Variants in ACOXL observed in about 807,000 individuals in gnomAD.
ACOXL encodes the protein acyl-coenzyme A oxidase-like protein.
Under a neutral mutation model 71.9 loss-of-function variants are expected in ACOXL, and 70 were observed. That is an observed-to-expected ratio of 0.97 (90% CI 0.80 to 1.19). The LOEUF (loss-of-function observed/expected upper bound fraction) is 1.19. ACOXL is among the 50% of genes most tolerant of loss of function. ACOXL has a pLI of 0.00. For missense variants in ACOXL, 703 were observed against 736.3 expected (o/e 0.95, Z 0.52); for synonymous variants, 253 against 281.6 (o/e 0.90, Z 1.02).
At chr2:110,988,407 T>C (rs1353334148) in intron 13 of ACOXL, among the ~76,000 whole-genome samples, 1 of 152,044 alleles carries the variant, frequency 6.6e-6, no homozygotes, top group Non-Finnish European at 1.5e-5. Context: ...GCCACTGCAC[T>C]CTAGCCTGGG....
chr2:110,929,618 G>A (rs569996314), intron 11 of ACOXL, among the ~76,000 whole-genome samples: 121 of 152,328 alleles, frequency 7.9e-4, no homozygotes, highest in African/African-American at 2.6e-3. Context: ...AATGTCTACA[G>A]AGCATGTCAG....
intron 10 of ACOXL, among the ~76,000 whole-genome samples, chr2:110,843,673 C>G (rs570350347): frequency 3.9e-5 from 6 of 152,342 alleles, no homozygotes; most frequent in African/African-American, 1.4e-4. Context: ...GAGCTTGCCT[C>G]TTTAGGCTCC....
chr2:111,072,528 G>T (rs139880970), intron 16 of ACOXL, among the ~76,000 whole-genome samples: 2 of 152,300 alleles, frequency 1.3e-5, no homozygotes, highest in African/African-American at 4.8e-5. Context: ...TTTGACAATT[G>T]TGAGTAGAGC....
intron 8 of ACOXL, 143 bp downstream of exon 8, chr2:110,801,867 G>A (rs1488409519): frequency 3.1e-5 from 20 of 647,526 alleles, no homozygotes; most frequent in Non-Finnish European, 5.1e-5. Flanking sequence ...ACAACTAATT[G>A]GAAAAGATAC....
At chr2:110,845,905 ATC>A (rs1185050043) in intron 10 of ACOXL, among the ~76,000 whole-genome samples, 7 of 152,338 alleles carry the variant, frequency 4.6e-5, no homozygotes, top group Middle Eastern at 3.4e-3. Flanking sequence ...ATGTACAAAT[ATC>A]TCTTTGACAC....
chr2:110,884,056 A>T (rs1359016095), intron 10 of ACOXL, among the ~76,000 whole-genome samples: 3 of 152,246 alleles, frequency 2.0e-5, no homozygotes, highest in African/African-American at 7.2e-5. Flanking sequence ...AAGGTTTTTC[A>T]GCTGGGCCTG....
chr2:110,898,266 C>T (rs770663813), intron 10 of ACOXL, among the ~76,000 whole-genome samples: 100 of 151,818 alleles, frequency 6.6e-4, no homozygotes, highest in Admixed American at 8.5e-4. Flanking sequence ...ATACTGATCC[C>T]GGAACCAAAT....
At chr2:111,038,139 C>G (rs1002326037) in intron 15 of ACOXL, among the ~76,000 whole-genome samples, 3 of 152,188 alleles carry the variant, frequency 2.0e-5, no homozygotes, top group Non-Finnish European at 4.4e-5. Context: ...TCTAATCCCC[C>G]ACTAGGCAGT....
At position 110,923,755 on chromosome 2, in the gene ACOXL, G is replaced by A. The variant is rs184692260; in HGVS notation, c.906-9734G>A. On this transcript the variant is annotated intron_variant, in intron 11 of 17. Transcript: ENST00000439055. ...TCGAGACCAGCCTGGCCAACATGGT[G>A]AAACCCCATCCCTACTAAACATACA... 2.8e-3 allele frequency among the ~76,000 whole-genome samples: 419 copies of A among 152,184 alleles called. 4 individuals carry two copies. Among genetic ancestry groups the A allele is most frequent in the African/African-American group, 8.9e-3 (371 of 41,512 alleles).
chr2:111,025,797 C>G (rs1226714259), intron 14 of ACOXL, among the ~76,000 whole-genome samples: 3 of 152,140 alleles, frequency 2.0e-5, no homozygotes, highest in African/African-American at 7.2e-5. Flanking sequence ...TGAAAACATT[C>G]AAAATTTGTG....
At chr2:110,868,861 G>A (rs1694934504) in intron 10 of ACOXL, among the ~76,000 whole-genome samples, 1 of 152,194 alleles carries the variant, frequency 6.6e-6, no homozygotes, top group Non-Finnish European at 1.5e-5. Flanking sequence ...AATGTGTTGG[G>A]ATTGCAGGCG....
At chr2:110,833,699 G>A (rs777313899) in intron 9 of ACOXL, among the ~76,000 whole-genome samples, 8 of 152,178 alleles carry the variant, frequency 5.3e-5, no homozygotes, top group Non-Finnish European at 1.0e-4. Flanking sequence ...CCCTGCAACA[G>A]ATCTCCTGCA....
chr2:111,021,583 G>C (rs927667607), intron 14 of ACOXL, among the ~76,000 whole-genome samples: 22 of 152,262 alleles, frequency 1.4e-4, no homozygotes, highest in African/African-American at 5.3e-4. Context: ...TGCCACACCT[G>C]CCCTTCAGTA....
At chr2:110,925,375 G>C (rs1462991623) in intron 11 of ACOXL, among the ~76,000 whole-genome samples, 4 of 152,218 alleles carry the variant, frequency 2.6e-5, no homozygotes, top group African/African-American at 7.2e-5. Context: ...ATGTTGTTGA[G>C]TGTAGCCACT....
intron 13 of ACOXL, among the ~76,000 whole-genome samples, chr2:110,990,241 AT>A (rs1219596327): frequency 6.6e-6 from 1 of 152,050 alleles, no homozygotes; most frequent in African/African-American, 2.4e-5. Context: ...GGGTTGTATA[AT>A]TTTTTCCATA....
chr2:110,892,389 G>C (rs1346553029), intron 10 of ACOXL, among the ~76,000 whole-genome samples: 1 of 152,162 alleles, frequency 6.6e-6, no homozygotes, highest in African/African-American at 2.4e-5. Flanking sequence ...TCAGGGGTCT[G>C]TTGGCTGGCT....
intron 14 of ACOXL, among the ~76,000 whole-genome samples, chr2:111,013,209 G>A (rs2064249336): frequency 1.3e-5 from 2 of 152,006 alleles, no homozygotes; most frequent in South Asian, 4.1e-4. Context: ...GAAAAATACA[G>A]CTCTCAAAAG....
intron 10 of ACOXL, among the ~76,000 whole-genome samples, chr2:110,867,482 G>GC (rs1284429924): frequency 1.3e-5 from 2 of 152,112 alleles, no homozygotes; most frequent in Non-Finnish European, 2.9e-5. Flanking sequence ...ATAAGATGTG[G>GC]CCCCCTGATC....
At chr2:111,065,441 T>C (rs1254464393) in intron 16 of ACOXL, among the ~76,000 whole-genome samples, 4 of 152,216 alleles carry the variant, frequency 2.6e-5, no homozygotes, top group African/African-American at 9.6e-5. Context: ...AGAAAACCTT[T>C]GGCAACTATG....
Sources: gnomAD v4.1 joint callset for allele counts (sites outside exome capture counted in the v4.1 genomes callset) on GRCh38, gnomAD v4.1.1 for gene constraint, MANE v1.5 for transcripts, NCBI Gene and HGNC (gene_info 2026-07-23, HGNC 2026-07-21) for gene names.